The following AGBL4 variants were observed in gnomAD, a reference collection of about 807,000 sequenced individuals.
AGBL4 encodes the protein AGBL carboxypeptidase 4, also known as cytosolic carboxypeptidase 6.
Under a neutral mutation model 66.4 loss-of-function variants are expected in AGBL4, and 58 were observed. The observed-to-expected ratio is 0.87, with a 90% CI of 0.71 to 1.09. The LOEUF is 1.09. Among genes scored for constraint, AGBL4 ranks in the 50% least tolerant of loss-of-function variants. The probability of loss-of-function intolerance (pLI) is 0.00; values close to 1 mark genes in which losing one functional copy is unlikely to be tolerated. For synonymous variants in AGBL4, 234 were observed against 222.9 expected, an observed-to-expected ratio of 1.05 and a Z score of -0.44; for missense variants, 579 against 631.0, an observed-to-expected ratio of 0.92 and a Z score of 0.88.
At chr1:49,073,094 A>G (rs1444539292) in intron 4 of AGBL4, among the ~76,000 whole-genome samples, 2 of 151,892 alleles carry the variant, frequency 1.3e-5, no homozygotes, top group African/African-American at 4.8e-5. Flanking sequence ...TTCAGCTCCA[A>G]CGGGTCATTT....
intron 3 of AGBL4, among the ~76,000 whole-genome samples, chr1:49,396,034 ATC>A: frequency 6.6e-6 from 1 of 151,160 alleles, no homozygotes; most frequent in Non-Finnish European, 1.5e-5. Context: ...CAACCAAATT[ATC>A]CAGTAACCAG....
At chr1:49,259,153 G>A (rs1652851390) in intron 3 of AGBL4, among the ~76,000 whole-genome samples, 1 of 151,938 alleles carries the variant, frequency 6.6e-6, no homozygotes, top group Non-Finnish European at 1.5e-5. Flanking sequence ...GCTCCTGAAG[G>A]AAGCACTAAA....
intron 4 of AGBL4, among the ~76,000 whole-genome samples, chr1:49,147,835 G>C (rs983039239): frequency 6.0e-5 from 9 of 151,136 alleles, no homozygotes; most frequent in African/African-American, 1.7e-4. Flanking sequence ...GGAAGGAGAG[G>C]GGGGGTGACA....
At chr1:49,484,527 T>G (rs1647023031) in intron 3 of AGBL4, among the ~76,000 whole-genome samples, 1 of 152,046 alleles carries the variant, frequency 6.6e-6, no homozygotes, top group African/African-American at 2.4e-5. Context: ...ATGTTCTCCC[T>G]TATTTGTGGG....
At chr1:48,730,473 T>C (rs1175947200) in intron 6 of AGBL4, among the ~76,000 whole-genome samples, 4 of 152,058 alleles carry the variant, frequency 2.6e-5, no homozygotes, top group Admixed American at 6.5e-5. Flanking sequence ...GTCTGCAAGG[T>C]AATAATGGCA....
chr1:49,654,173 C>CT (rs1285999999), intron 3 of AGBL4, among the ~76,000 whole-genome samples: 1 of 152,178 alleles, frequency 6.6e-6, no homozygotes, highest in Non-Finnish European at 1.5e-5. Flanking sequence ...CAATATTCAA[C>CT]ATTCTTAAAG....
intron 3 of AGBL4, among the ~76,000 whole-genome samples, chr1:49,568,524 AATG>A (rs1644263087): frequency 2.0e-5 from 1 of 49,896 alleles, no homozygotes; most frequent in Non-Finnish European, 4.7e-5. Flanking sequence ...CACACACACA[AATG>A]CCATGCTCAT....
intron 6 of AGBL4, 129 bp downstream of exon 6, chr1:48,867,062 A>G (rs1648166945): frequency 3.8e-6 from 4 of 1,044,974 alleles, no homozygotes; most frequent in South Asian, 2.8e-5. Flanking sequence ...AGAATCATTC[A>G]TGGTGCAAGA....
intron 4 of AGBL4, among the ~76,000 whole-genome samples, chr1:49,096,485 T>C (rs1423179868): frequency 1.3e-5 from 2 of 151,632 alleles, no homozygotes; most frequent in South Asian, 4.2e-4. Flanking sequence ...GTGGCACATA[T>C]ACACCATGGA....
chr1:49,473,533 T>C (rs1397187010), intron 3 of AGBL4, among the ~76,000 whole-genome samples: 3 of 152,102 alleles, frequency 2.0e-5, no homozygotes, highest in South Asian at 2.1e-4. Context: ...AGATTCTGGA[T>C]ACTAGACCTC....
intron 2 of AGBL4, chr1:49,845,198 C>A (rs1160687252): frequency 1.4e-6 from 2 of 1,447,014 alleles, no homozygotes; most frequent in East Asian, 4.5e-5. Flanking sequence ...CGAAACAGCT[C>A]GGCACTTACC....
chr1:48,624,268 A>G (rs1208163322), intron 9 of AGBL4, among the ~76,000 whole-genome samples: 1 of 152,162 alleles, frequency 6.6e-6, no homozygotes, highest in Non-Finnish European at 1.5e-5. Context: ...AGAATTATAG[A>G]GGTTTGAAAG....
rs1041323105 is a variant in AGBL4 at position 49,832,070 on chromosome 1, C to T, written c.157+19326G>A. On this transcript the variant is annotated intron_variant, in intron 2 of 13. Coordinates refer to ENST00000371839, the MANE Select transcript of AGBL4 (RefSeq NM_032785.4). ...TGCAGGTTAGTTACATATGTATACA[C>T]GTGCCATGCTGGTGTGCTGCACCCA... 5.7e-4 allele frequency among the ~76,000 whole-genome samples: 87 copies of T among 151,378 alleles called. 1 individual carries two copies. In the South Asian group the frequency reaches 0.01, roughly 18 times the overall value.
chr1:49,410,302 G>C (rs1428899170), intron 3 of AGBL4, among the ~76,000 whole-genome samples: 4 of 152,146 alleles, frequency 2.6e-5, no homozygotes, highest in Non-Finnish European at 5.9e-5. Context: ...CACACCTGAA[G>C]ACAATATGCT....
intron 6 of AGBL4, among the ~76,000 whole-genome samples, chr1:48,673,143 A>C (rs1646304875): frequency 6.6e-6 from 1 of 152,210 alleles, no homozygotes; most frequent in Non-Finnish European, 1.5e-5. Flanking sequence ...GTTTGTACTT[A>C]TGTGCAGGCA....
intron 6 of AGBL4, among the ~76,000 whole-genome samples, chr1:48,681,631 G>A (rs942110102): frequency 6.6e-6 from 1 of 152,170 alleles, no homozygotes; most frequent in African/African-American, 2.4e-5. Context: ...ATCAGCCCAG[G>A]CTGATGACTA....
chr1:49,410,996 G>C (rs1645303383), intron 3 of AGBL4, among the ~76,000 whole-genome samples: 1 of 152,190 alleles, frequency 6.6e-6, no homozygotes, highest in Non-Finnish European at 1.5e-5. Flanking sequence ...ATGTATATAT[G>C]CAAGGGAGTT....
chr1:49,821,681 G>A (rs1321467725), intron 2 of AGBL4, among the ~76,000 whole-genome samples: 1 of 152,100 alleles, frequency 6.6e-6, no homozygotes. Flanking sequence ...TTCTTTTCTA[G>A]TCACTAAATG....
Position 48,686,557 on chromosome 1 carries a change from A to C in AGBL4, c.635-23316T>G, listed in dbSNP as rs1043909346. 3.9e-5 allele frequency among the ~76,000 whole-genome samples: 6 copies of C among 152,238 alleles called. No homozygotes were observed. The South Asian group carries it at 8.3e-4, about 21-fold the overall frequency. On this transcript the variant is annotated intron_variant, in intron 6 of 13. Coordinates refer to ENST00000371839, the MANE Select transcript of AGBL4 (RefSeq NM_032785.4). ...ACGAGTAGAAAGATAACAGAAAGGAAGACAGGAGGAAGAAAAGAAGAAACA... is the reference window on the plus strand; with the variant it reads ...ACGAGTAGAAAGATAACAGAAAGGACGACAGGAGGAAGAAAAGAAGAAACA...
Sources: gnomAD v4.1 joint callset for allele counts (sites outside exome capture counted in the v4.1 genomes callset) on GRCh38, gnomAD v4.1.1 for gene constraint, MANE v1.5 for transcripts, NCBI Gene and HGNC (gene_info 2026-07-23, HGNC 2026-07-21) for gene names.